The following GNAI1 variants were observed in gnomAD, a reference collection of about 807,000 sequenced individuals.
GNAI1 encodes the protein guanine nucleotide-binding protein G(i) subunit alpha-1.
A neutral mutation model predicts 38.9 loss-of-function variants in GNAI1; 11 were observed. That is an observed-to-expected ratio of 0.28 (90% CI 0.18 to 0.47). GNAI1 has a LOEUF of 0.47. Among genes scored for constraint, GNAI1 ranks in the 20% least tolerant of loss-of-function variants. GNAI1 has a pLI of 0.99. For missense variants in GNAI1, 317 were observed against 436.9 expected, an observed-to-expected ratio of 0.73 and a Z score of 2.45; for synonymous variants, 166 against 145.1, an observed-to-expected ratio of 1.14 and a Z score of -1.04.
intron 1 of GNAI1, among the ~76,000 whole-genome samples, chr7:80,182,984 C>T (rs150848857): frequency 2.7e-3 from 405 of 152,194 alleles, no homozygotes; most frequent in African/African-American, 9.3e-3. Flanking sequence ...AGCAAGGTGC[C>T]CATGAAGTCA....
chr7:80,192,167 A>AAC, intron 3 of GNAI1, among the ~76,000 whole-genome samples: 2 of 152,152 alleles, frequency 1.3e-5, no homozygotes, highest in Non-Finnish European at 2.9e-5. Context: ...CAGAACTGTT[A>AAC]AGATTTTTAC....
chr7:80,199,373 C>G lies in GNAI1; in HGVS notation c.452C>G (p.Ser151Cys), dbSNP rs751761285. 4 of 1,599,724 alleles carry G rather than the reference C, an allele frequency of 2.5e-6. No individual in the cohort carries two copies. Among genetic ancestry groups the G allele is most frequent in the Middle Eastern group, 1.7e-4 (1 of 6,020 alleles). Reference protein sequence around the residue: ...NRSREYQLNDSAAYYLNDLDR... With the variant: ...NRSREYQLNDCAAYYLNDLDR... ...TCCCGAGAGTACCAGCTTAATGATT[C>G]TGCAGCATAGTAAGTAATCATAACT... The change falls in exon 4 of 8, where the codon TCT becomes TGT. Residue 151 changes from serine (S) to cysteine (C), a missense_variant. Around this residue, in one of 5 missense-constraint regions of GNAI1, gnomAD observed 158 missense variants for 234.7 expected, o/e 0.67. Coordinates refer to ENST00000649796, the MANE Select transcript of GNAI1 (RefSeq NM_002069.6).
intron 1 of GNAI1, among the ~76,000 whole-genome samples, chr7:80,138,095 G>C (rs1049187906): frequency 3.3e-5 from 5 of 152,144 alleles, no homozygotes; most frequent in African/African-American, 1.2e-4. Flanking sequence ...ATTTACATTA[G>C]ATCGTGTTCA....
At chr7:80,142,735 A>T (rs1398574741) in intron 1 of GNAI1, among the ~76,000 whole-genome samples, 1 of 152,186 alleles carries the variant, frequency 6.6e-6, no homozygotes, top group Non-Finnish European at 1.5e-5. Context: ...CCCAATATAT[A>T]TCTTGCTGGT....
rs1789130134 is a variant in GNAI1 at position 80,224,653 on chromosome 7, A to G, written c.*7160A>G. On this transcript the variant is annotated 3_prime_UTR_variant, in exon 8 of 8. Transcript: ENST00000649796. ...CTGTGAAAAGCCAGTGCAGTAAAGA[A>G]GTAAAGAGCTCTCTGTGTGTTAACC... Among the ~76,000 whole-genome samples, 1 of 152,220 alleles carries G rather than the reference A, an allele frequency of 6.6e-6. No individual in the cohort carries two copies. Among genetic ancestry groups the G allele is most frequent in the Non-Finnish European group, 1.5e-5 (1 of 68,042 alleles).
chr7:80,184,779 C>G (rs992779803), intron 1 of GNAI1, among the ~76,000 whole-genome samples: 7 of 152,188 alleles, frequency 4.6e-5, no homozygotes, highest in Non-Finnish European at 8.8e-5. Flanking sequence ...CCTGCTCATG[C>G]CTGACTAGCT....
rs116672274 is a variant in GNAI1, at chr7:80,146,571, A to G, written c.118+11293A>G. The stretch of plus-strand genomic sequence containing the variant: ...GTTCTTTTTAAAGTTAAACTTTACT[A>G]TGCATAGAAGTAATTTTGAATCTTT... On this transcript the variant is annotated intron_variant, in intron 1 of 7. Coordinates refer to ENST00000649796, the MANE Select transcript of GNAI1 (RefSeq NM_002069.6). 4.4e-3 allele frequency among the ~76,000 whole-genome samples: 672 copies of G among 152,054 alleles called. 6 individuals carry two copies. Among genetic ancestry groups the G allele is most frequent in the African/African-American group, 0.015 (618 of 41,462 alleles).
intron 1 of GNAI1, among the ~76,000 whole-genome samples, chr7:80,180,349 GTA>G (rs956163245): frequency 9.3e-5 from 13 of 139,516 alleles, no homozygotes; most frequent in African/African-American, 2.4e-4. Flanking sequence ...GTGTGTGTGT[GTA>G]TATAAAGTGT....
Position 80,170,787 on chromosome 7 carries a change from A to G in GNAI1, c.119-18164A>G, listed in dbSNP as rs535788203. ...ACCTTCCACCAGCTCCACTTCCAAC[A>G]TTAGGGATTACAATTTGTCATGAGA... On this transcript the variant is annotated intron_variant, in intron 1 of 7. Transcript: ENST00000649796. 2.6e-5 allele frequency among the ~76,000 whole-genome samples: 4 copies of G among 152,258 alleles called. No homozygotes were observed. In the East Asian group the frequency reaches 5.8e-4, roughly 22 times the overall value.
intron 1 of GNAI1, among the ~76,000 whole-genome samples, chr7:80,157,532 C>T (rs1039952490): frequency 2.6e-5 from 4 of 152,176 alleles, no homozygotes; most frequent in Non-Finnish European, 5.9e-5. Flanking sequence ...CTGTGTTCCA[C>T]AGAGACTGTA....
chr7:80,215,481 A>T (rs926256335), intron 7 of GNAI1, among the ~76,000 whole-genome samples: 2 of 152,226 alleles, frequency 1.3e-5, no homozygotes, highest in African/African-American at 4.8e-5. Context: ...AAGAGTTAAA[A>T]TGTAAACTTA....
chr7:80,189,132 A>G lies in GNAI1; in HGVS notation c.204A>G (p.Gln68=), dbSNP rs148984706. 151 of 1,607,622 alleles carry G rather than the reference A, an allele frequency of 9.4e-5. 1 individual carries two copies. The highest frequency in any genetic ancestry group is 1.7e-4 in the Middle Eastern group (1 of 6,050). ...EAGYSEEECK[Q]YKAVVYSNTI... is the part of the protein sequence containing the mutation. Reference sequence around the variant, plus strand: ...GTTATTCAGAAGAGGAGTGTAAACAATACAAAGCAGTGGTCTACAGTAACA... The same window carrying G: ...GTTATTCAGAAGAGGAGTGTAAACAGTACAAAGCAGTGGTCTACAGTAACA... Residue 68 remains glutamine, a synonymous_variant, in exon 3 of 8, where the codon CAA becomes CAG. Coordinates refer to ENST00000649796, the MANE Select transcript of GNAI1 (RefSeq NM_002069.6).
In GNAI1 at chr7:80,171,515, G is replaced by A. The variant is rs1052806802; in HGVS notation, c.119-17436G>A. Among the ~76,000 whole-genome samples the A allele has an allele frequency of 3.9e-5, 6 of 152,228 alleles. 1 individual carries two copies. The South Asian group carries it at 8.3e-4, about 21-fold the overall frequency. On this transcript the variant is annotated intron_variant, in intron 1 of 7. Transcript: ENST00000649796. ...TATGGCCAGAATGTATGAAGACAACGTCATCTTTTATTATTGATGTTTATT... is the reference window on the plus strand; with the variant it reads ...TATGGCCAGAATGTATGAAGACAACATCATCTTTTATTATTGATGTTTATT...
At chr7:80,207,728 A>T (rs1788799857) in intron 5 of GNAI1, among the ~76,000 whole-genome samples, 1 of 151,986 alleles carries the variant, frequency 6.6e-6, no homozygotes, top group Admixed American at 6.6e-5. Context: ...TCATGTTGTA[A>T]TTCTGTTTAA....
intron 1 of GNAI1, among the ~76,000 whole-genome samples, chr7:80,171,244 ATCCT>A (rs1185009271): frequency 1.3e-5 from 2 of 152,166 alleles, no homozygotes; most frequent in African/African-American, 4.8e-5. Context: ...TCATTAAAAA[ATCCT>A]TGTAAAAAAT....
In GNAI1 at chr7:80,223,153, G is replaced by A. The variant is rs747929628; in HGVS notation, c.*5660G>A. 3.9e-5 allele frequency among the ~76,000 whole-genome samples: 6 copies of A among 152,166 alleles called. No individual in the cohort carries two copies. Among genetic ancestry groups the A allele is most frequent in the Non-Finnish European group, 4.4e-5 (3 of 68,024 alleles). ...AAATTGTTAAGTTGGACCATCATAC[G>A]TTGGGGACCATCTGTACATAGAGTA... is the stretch of plus-strand genomic sequence containing the variant. On this transcript the variant is annotated 3_prime_UTR_variant, in exon 8 of 8. Coordinates refer to ENST00000649796, the MANE Select transcript of GNAI1 (RefSeq NM_002069.6).
chr7:80,142,203 A>G lies in GNAI1; in HGVS notation c.118+6925A>G, dbSNP rs556964751. ...ATTTCTGCATTTTTAGGTGTTTGTT[A>G]TAGCAGCACCCCATTTCCCATTATC... On this transcript the variant is annotated intron_variant, in intron 1 of 7. Coordinates refer to ENST00000649796, the MANE Select transcript of GNAI1 (RefSeq NM_002069.6). Among the ~76,000 whole-genome samples the G allele has an allele frequency of 2.0e-5, 3 of 152,198 alleles. No individual in the cohort carries two copies. In the East Asian group the frequency reaches 5.8e-4, roughly 29 times the overall value.
At chr7:80,183,354 A>G (rs549204776) in intron 1 of GNAI1, among the ~76,000 whole-genome samples, 1 of 152,328 alleles carries the variant, frequency 6.6e-6, no homozygotes, top group African/African-American at 2.4e-5. Flanking sequence ...TAGCATTATA[A>G]TAAAGAGAAA....
intron 1 of GNAI1, among the ~76,000 whole-genome samples, chr7:80,179,411 A>G (rs188545702): frequency 2.9e-4 from 44 of 152,306 alleles, no homozygotes; most frequent in African/African-American, 1.0e-3. Flanking sequence ...TACTGCCATC[A>G]TAGCTTCAGA....
Sources: gnomAD v4.1 joint callset for allele counts (sites outside exome capture counted in the v4.1 genomes callset) on GRCh38, gnomAD v4.1.1 for gene constraint, gnomAD v4.1.1 regional missense constraint, MANE v1.5 for transcripts, NCBI Gene and HGNC (gene_info 2026-07-23, HGNC 2026-07-21) for gene names.